Variants in ERG observed in about 807,000 individuals in gnomAD.
The protein encoded by ERG is transcriptional regulator ERG.
ERG carries 9 observed loss-of-function variants against 55.3 expected under a neutral mutation model. That is an observed-to-expected ratio of 0.16 (90% CI 0.10 to 0.28). ERG has a LOEUF of 0.28. ERG is among the 10% of genes least tolerant of loss of function. The pLI, the probability that ERG is intolerant of heterozygous loss-of-function variation, is 1.00. For synonymous variants in ERG, 223 were observed against 237.3 expected (o/e 0.94, Z 0.55); for missense variants, 434 against 631.6 (o/e 0.69, Z 3.35).
chr21:38,472,593 C>T (rs2059149474), intron 1 of ERG, among the ~76,000 whole-genome samples: 1 of 152,134 alleles, frequency 6.6e-6, no homozygotes, highest in Non-Finnish European at 1.5e-5. Context: ...ATTGGTTACC[C>T]CCGCTGAGCT....
At chr21:38,407,187 T>C (rs1988812716) in intron 3 of ERG, among the ~76,000 whole-genome samples, 1 of 152,228 alleles carries the variant, frequency 6.6e-6, no homozygotes, top group Non-Finnish European at 1.5e-5. Flanking sequence ...AATGATTTAT[T>C]GTCAAGGATG....
intron 2 of ERG, among the ~76,000 whole-genome samples, chr21:38,548,230 G>A (rs1487979222): frequency 6.6e-6 from 1 of 152,044 alleles, no homozygotes; most frequent in Non-Finnish European, 1.5e-5. Context: ...ACTTGAGGGT[G>A]AGGACAGTAT....
At chr21:38,538,849 G>C (rs2059730681) in intron 2 of ERG, among the ~76,000 whole-genome samples, 3 of 151,760 alleles carry the variant, frequency 2.0e-5, no homozygotes, top group Non-Finnish European at 4.4e-5. Context: ...ACTTCTCCGA[G>C]ACTCATTTTC....
chr21:38,468,992 AAAAAAAAAAG>A (rs1238539890), intron 1 of ERG, among the ~76,000 whole-genome samples: 1,013 of 72,804 alleles, frequency 0.014, 19 homozygotes, highest in African/African-American at 0.029. Flanking sequence ...CAAAAAAAAA[AAAAAAAAAAG>A]AAAAAAAAAA....
intron 2 of ERG, among the ~76,000 whole-genome samples, chr21:38,544,795 G>A (rs1277967352): frequency 6.6e-6 from 1 of 152,088 alleles, no homozygotes; most frequent in Non-Finnish European, 1.5e-5. Flanking sequence ...CCTCACCCTT[G>A]CTCTTTCTGA....
intron 2 of ERG, among the ~76,000 whole-genome samples, chr21:38,506,908 A>G (rs2059465411): frequency 6.6e-6 from 1 of 152,096 alleles, no homozygotes; most frequent in Non-Finnish European, 1.5e-5. Flanking sequence ...AATGTGTTCT[A>G]CAGAAGGATA....
Position 38,400,596 on chromosome 21 carries a change from C to T in ERG, c.723G>A (p.Thr241=), listed in dbSNP as rs752104640. 4.0e-5 allele frequency: 64 copies of T among 1,613,676 alleles called. No homozygotes were observed. Among genetic ancestry groups the T allele is most frequent in the South Asian group, 9.9e-5 (9 of 91,086 alleles). ...TACCTGGCCTAGTTGTAATTCTTTG[C>T]GTAGCTTCAGGATATACTGAAGTAT... is the stretch of plus-strand genomic sequence containing the variant. The part of the protein sequence containing the change: ...FPNTSVYPEA[T]QRITTRPDLP... The change falls in exon 6 of 10, where the codon ACG becomes ACA. Residue 241 remains threonine, a synonymous_variant. Coordinates refer to ENST00000288319, the MANE Select transcript of ERG (RefSeq NM_182918.4).
At chr21:38,451,221 A>T (rs2058938816) in intron 1 of ERG, 1 of 507,738 alleles carries the variant, frequency 2.0e-6, no homozygotes, top group African/African-American at 1.9e-5. Flanking sequence ...AAGGATCTGG[A>T]TGGTAAACGG....
rs2059577065 is a variant in ERG at position 38,519,420 on chromosome 21, T to C, written c.-41+56242A>G. 3.3e-5 allele frequency among the ~76,000 whole-genome samples: 5 copies of C among 152,036 alleles called. No homozygotes were observed. In the South Asian group the frequency reaches 1.0e-3, roughly 32 times the overall value. On this transcript the variant is annotated intron_variant, in intron 2 of 8. Coordinates refer to the ERG transcript ENST00000398897. ...CGGTAGCTGTGAACACAGGAGAGGA[T>C]AAACAATAGGAGCTGTGGCCTTCCA... is the stretch of plus-strand genomic sequence containing the variant.
intron 6 of ERG, among the ~76,000 whole-genome samples, chr21:38,397,757 G>A (rs769621425): frequency 1.3e-5 from 2 of 152,094 alleles, no homozygotes; most frequent in Non-Finnish European, 2.9e-5. Flanking sequence ...CAACACACAT[G>A]TGTAGGAGTC....
intron 9 of ERG, among the ~76,000 whole-genome samples, chr21:38,390,015 G>A (rs1422259781): frequency 3.3e-5 from 5 of 152,140 alleles, no homozygotes; most frequent in Admixed American, 6.5e-5. Flanking sequence ...TGGCCTCAAC[G>A]TTTAGGAAAT....
At chr21:38,462,130 G>A (rs1045357099) in intron 1 of ERG, among the ~76,000 whole-genome samples, 1 of 151,880 alleles carries the variant, frequency 6.6e-6, no homozygotes, top group Admixed American at 6.6e-5. Context: ...ACAGGTACCC[G>A]CCACCACGCC....
At chr21:38,559,805 C>A (rs2059881804) in intron 2 of ERG, among the ~76,000 whole-genome samples, 1 of 152,178 alleles carries the variant, frequency 6.6e-6, no homozygotes, top group Non-Finnish European at 1.5e-5. Flanking sequence ...CTCAGTCTCC[C>A]AAGTAGCTGG....
intron 3 of ERG, among the ~76,000 whole-genome samples, chr21:38,416,104 C>T (rs1028778552): frequency 3.3e-5 from 5 of 152,216 alleles, no homozygotes; most frequent in African/African-American, 9.6e-5. Flanking sequence ...CATGTGGAAA[C>T]TATGCAGTCC....
chr21:38,573,661 T>G (rs2059976635), intron 2 of ERG, among the ~76,000 whole-genome samples: 1 of 152,242 alleles, frequency 6.6e-6, no homozygotes, highest in Non-Finnish European at 1.5e-5. Context: ...CCTGCTCTCC[T>G]ACTACATTCC....
At chr21:38,525,743 C>T (rs998096372) in intron 2 of ERG, among the ~76,000 whole-genome samples, 2 of 152,318 alleles carry the variant, frequency 1.3e-5, no homozygotes, top group Non-Finnish European at 2.9e-5. Flanking sequence ...TGCCAAGTTA[C>T]TGCAATGTGC....
intron 1 of ERG, among the ~76,000 whole-genome samples, chr21:38,579,322 T>C (rs777535339): frequency 6.6e-6 from 1 of 152,164 alleles, no homozygotes; most frequent in Non-Finnish European, 1.5e-5. Context: ...TTGCATCAAG[T>C]ATAAAATGAC....
chr21:38,660,990 G>A (rs1568979246), intron 1 of ERG, among the ~76,000 whole-genome samples: 4 of 151,976 alleles, frequency 2.6e-5, no homozygotes, highest in Non-Finnish European at 4.4e-5. Flanking sequence ...TGGCGGCTCC[G>A]GGAGGAAGAG....
rs549147425 is a variant in ERG, at chr21:38,562,218, T to A, written c.-41+13444A>T. Among the ~76,000 whole-genome samples, 4 of 152,204 alleles carry A rather than the reference T, an allele frequency of 2.6e-5. No homozygotes were observed. The South Asian group carries it at 8.3e-4, about 32-fold the overall frequency. On this transcript the variant is annotated intron_variant, in intron 2 of 8. Coordinates refer to the ERG transcript ENST00000398897. Reference sequence around the variant, plus strand: ...TCAGTGTGTAGATATTATATATATATACACATGCATACATACACGCACATA... The same window carrying A: ...TCAGTGTGTAGATATTATATATATAAACACATGCATACATACACGCACATA...
Sources: allele counts gnomAD v4.1 joint callset (sites outside exome capture counted in the v4.1 genomes callset), GRCh38; gene constraint gnomAD v4.1.1; transcripts MANE v1.5; gene names NCBI Gene and HGNC (gene_info 2026-07-23, HGNC 2026-07-21).